Variants in LYST observed in about 807,000 individuals in gnomAD.
LYST encodes the protein lysosomal-trafficking regulator.
A neutral mutation model predicts 413.6 loss-of-function variants in LYST; 192 were observed. That is an observed-to-expected ratio of 0.46 (90% CI 0.41 to 0.52). LYST has a LOEUF of 0.52. Ranked by LOEUF, LYST falls within the 20% of genes least tolerant of loss-of-function variation. LYST has a pLI of 0.00. For missense variants in LYST, 3,815 were observed against 4,499.9 expected (o/e 0.85, Z 4.35); for synonymous variants, 1,525 against 1,567.3 (o/e 0.97, Z 0.64).
Position 235,766,227 on chromosome 1 carries a change from T to A in LYST, c.5973A>T (p.Ser1991=), listed in dbSNP as rs1166335194. 2.5e-6 allele frequency: 4 copies of A among 1,613,410 alleles called. No homozygotes were observed. The highest frequency in any genetic ancestry group is 3.4e-6 in the Non-Finnish European group (4 of 1,179,576). Residue 1991 remains serine (S), a synonymous_variant, in exon 21 of 53, where the codon TCA becomes TCT. Coordinates refer to ENST00000389793, the MANE Select transcript of LYST (RefSeq NM_000081.4). ...GGACTTCTGCTATAATTTTCACAAA[T>A]GATCTACAAACCTCTCGGGGCATGG... The part of the protein sequence containing the change: ...LTPMPREVCR[S]FVKIIAEVLG...
At chr1:235,815,298 C>T (rs1260713039) in intron 3 of LYST, among the ~76,000 whole-genome samples, 3 of 151,890 alleles carry the variant, frequency 2.0e-5, no homozygotes, top group Admixed American at 2.0e-4. Context: ...GCACAGGAGA[C>T]AGAAAATAAT....
In LYST at chr1:235,682,314, G is replaced by T. The variant is rs181957041; in HGVS notation, c.10800+4635C>A. 3.7e-3 allele frequency among the ~76,000 whole-genome samples: 568 copies of T among 152,332 alleles called. 3 individuals are homozygous for T. Among genetic ancestry groups the T allele is most frequent in the Non-Finnish European group, 5.7e-3 (391 of 68,036 alleles). On this transcript the variant is annotated intron_variant, in intron 48 of 52. Coordinates refer to ENST00000389793, the MANE Select transcript of LYST (RefSeq NM_000081.4). ...TACTCCAGCATGGGCAAAAGGGCAA[G>T]ACCCTGTATGCCCAAGAAGAAAGTG... is the stretch of plus-strand genomic sequence containing the variant.
chr1:235,744,799 C>T (rs1186107795), intron 29 of LYST, among the ~76,000 whole-genome samples: 4 of 150,574 alleles, frequency 2.7e-5, no homozygotes, highest in African/African-American at 7.3e-5. Flanking sequence ...ACTCAGGAGG[C>T]TGAGATGGGA....
chr1:235,799,225 G>T (rs1035368768), intron 10 of LYST, among the ~76,000 whole-genome samples: 9 of 152,112 alleles, frequency 5.9e-5, no homozygotes, highest in African/African-American at 1.9e-4. Context: ...CTATTTGGCA[G>T]ATACCACAGA....
chr1:235,759,340 T>A lies in LYST; in HGVS notation c.6513A>T (p.Ala2171=). The part of the protein sequence containing the change: ...EDAFISSCES[A]KTVCEMEAVL... The stretch of plus-strand genomic sequence containing the variant: ...CAGCTTCCATTTCACAAACAGTTTT[T>A]GCAGACTCACAGCTACTGATGAATG... The change falls in exon 23 of 53, where the codon GCA becomes GCT. Residue 2171 remains alanine (A), a synonymous_variant. Coordinates refer to ENST00000389793, the MANE Select transcript of LYST (RefSeq NM_000081.4). The A allele has an allele frequency of 1.2e-6, 2 of 1,614,174 alleles. No individual in the cohort carries two copies. Among genetic ancestry groups the A allele is most frequent in the Non-Finnish European group, 1.7e-6 (2 of 1,180,012 alleles).
rs1049573061 is a variant in LYST at position 235,802,111 on chromosome 1, T to C, written c.3712+797A>G. Reference sequence around the variant, plus strand: ...TGGGAGGCAGAGGTAGAAGAATAGCTTGAACCTGGGAGATGGAGGTTGCAG... The same window carrying C: ...TGGGAGGCAGAGGTAGAAGAATAGCCTGAACCTGGGAGATGGAGGTTGCAG... On this transcript the variant is annotated intron_variant, in intron 8 of 52. Coordinates refer to ENST00000389793, the MANE Select transcript of LYST (RefSeq NM_000081.4). Among the ~76,000 whole-genome samples, 17 of 149,022 alleles carry C rather than the reference T, an allele frequency of 1.1e-4. No individual in the cohort carries two copies. The Admixed American group carries it at 1.2e-3, about 10-fold the overall frequency.
At position 235,758,393 on chromosome 1, in the gene LYST, G is replaced by A. The variant is rs139465347; in HGVS notation, c.6881+579C>T. Among the ~76,000 whole-genome samples the A allele has an allele frequency of 7.7e-3, 1,167 of 152,232 alleles. 14 individuals carry two copies. Among genetic ancestry groups the A allele is most frequent in the African/African-American group, 0.027 (1,108 of 41,538 alleles). ...TGCAGTCTGGTGACAGCCTGTCCTG[G>A]GAAACACTGGTATTGCTTTCTGAGG... is the stretch of plus-strand genomic sequence containing the variant. On this transcript the variant is annotated intron_variant, in intron 23 of 52. Coordinates refer to ENST00000389793, the MANE Select transcript of LYST (RefSeq NM_000081.4).
At chr1:235,693,022 A>T (rs1187629059) in intron 47 of LYST, among the ~76,000 whole-genome samples, 4 of 150,770 alleles carry the variant, frequency 2.7e-5, no homozygotes, top group African/African-American at 7.3e-5. Context: ...CTCTAAAATT[A>T]AAAAAAAAGT....
intron 3 of LYST, among the ~76,000 whole-genome samples, chr1:235,817,182 A>AC (rs1171136167): frequency 2.0e-5 from 3 of 152,230 alleles, no homozygotes; most frequent in Non-Finnish European, 2.9e-5. Flanking sequence ...ACCATCTCAC[A>AC]CCAGTCAGGA....
At position 235,662,302 on chromosome 1, in the gene LYST, T is replaced by A. The variant is rs1190763160; in HGVS notation, c.*638A>T. 1.3e-5 allele frequency: 2 copies of A among 152,672 alleles called. No individual in the cohort carries two copies. The highest frequency in any genetic ancestry group is 2.9e-5 in the Non-Finnish European group (2 of 68,410). The allele number at this position is 152,672 out of a possible 1,614,324, so 9.5% of individuals were successfully genotyped here. A position where few individuals can be genotyped will look rare whatever the true frequency, so the allele number is the denominator to read the frequency against. Reference sequence around the variant, plus strand: ...TCTTGTTTGTGGCTGTCAAAAAAATTCTGGTTCTCCTTTGAGCTAAGAAAG... The same window carrying A: ...TCTTGTTTGTGGCTGTCAAAAAAATACTGGTTCTCCTTTGAGCTAAGAAAG... On this transcript the variant is annotated 3_prime_UTR_variant, in exon 53 of 53. Transcript: ENST00000389793.
chr1:235,868,603 T>A (rs1680768939), upstream of LYST, among the ~76,000 whole-genome samples: 1 of 152,226 alleles, frequency 6.6e-6, no homozygotes, highest in Non-Finnish European at 1.5e-5. Context: ...TAGATGATAA[T>A]GGTATACAAT....
At chr1:235,786,023 T>C (rs1328950752) in intron 14 of LYST, among the ~76,000 whole-genome samples, 1 of 152,224 alleles carries the variant, frequency 6.6e-6, no homozygotes, top group Non-Finnish European at 1.5e-5. Context: ...TCATTCTAAT[T>C]TCTTTTGAAA....
At position 235,664,675 on chromosome 1, in the gene LYST, C is replaced by T; in HGVS notation, c.11039-54G>A. Reference sequence around the variant, plus strand: ...ACCAGAATGTGGCTGTCTCAGAGCCCACATTTGGCCCCAGAAGGGCAACCC... The same window carrying T: ...ACCAGAATGTGGCTGTCTCAGAGCCTACATTTGGCCCCAGAAGGGCAACCC... On this transcript the variant is annotated intron_variant, in intron 50 of 52. Coordinates refer to ENST00000389793, the MANE Select transcript of LYST (RefSeq NM_000081.4). This position sits in a 1 kb window ranked among gnomAD's most constrained non-coding sequence, Gnocchi z 4.5. 1 of 1,594,074 alleles carries T rather than the reference C, an allele frequency of 6.3e-7. No homozygotes were observed. Among genetic ancestry groups the T allele is most frequent in the Non-Finnish European group, 8.6e-7 (1 of 1,162,830 alleles).
At chr1:235,670,137 C>T (rs149893177) in intron 50 of LYST, among the ~76,000 whole-genome samples, 14 of 152,276 alleles carry the variant, frequency 9.2e-5, no homozygotes, top group African/African-American at 3.4e-4. Context: ...CTGTAAACTA[C>T]CTTTCCCACC....
intron 5 of LYST, among the ~76,000 whole-genome samples, chr1:235,807,221 T>C (rs1672944951): frequency 6.6e-6 from 1 of 152,218 alleles, no homozygotes; most frequent in Non-Finnish European, 1.5e-5. Context: ...ATCTATACCT[T>C]ATGAAGGGAA....
At chr1:235,736,100 G>A (rs761860625) in intron 31 of LYST, 5 of 151,918 alleles carry the variant, frequency 3.3e-5, no homozygotes, top group Non-Finnish European at 7.4e-5. Context: ...TTTCTTAAAC[G>A]CTTAAGTTGT....
intron 48 of LYST, among the ~76,000 whole-genome samples, chr1:235,682,966 A>T (rs916905123): frequency 6.6e-6 from 1 of 152,184 alleles, no homozygotes; most frequent in African/African-American, 2.4e-5. Context: ...ATATTTTCCT[A>T]AAGTTTTAGG....
intron 1 of LYST, among the ~76,000 whole-genome samples, chr1:235,846,576 G>C (rs1677904057): frequency 6.6e-6 from 1 of 152,092 alleles, no homozygotes; most frequent in South Asian, 2.1e-4. Context: ...AAGCTAATCA[G>C]GGAGGGACCA....
At chr1:235,751,761 A>G (rs1307575031) in intron 27 of LYST, among the ~76,000 whole-genome samples, 3 of 152,210 alleles carry the variant, frequency 2.0e-5, no homozygotes, top group African/African-American at 7.2e-5. Context: ...ACTTGGTAAG[A>G]AAAATCAGTG....
Sources: gnomAD v4.1 joint callset for allele counts (sites outside exome capture counted in the v4.1 genomes callset) on GRCh38, gnomAD v4.1.1 for gene constraint, Gnocchi (gnomAD v3.1) non-coding constraint, MANE v1.5 for transcripts, NCBI Gene and HGNC (gene_info 2026-07-23, HGNC 2026-07-21) for gene names.